PDE11A: variants seen among roughly 807,000 people sequenced by gnomAD.
The protein encoded by PDE11A is phosphodiesterase 11A.
PDE11A carries 100 observed loss-of-function variants against 100.5 expected under a neutral mutation model. The ratio of observed to expected loss-of-function variants is 1.00; its 90% CI spans 0.85 to 1.18. The LOEUF (loss-of-function observed/expected upper bound fraction) is 1.18. Among genes scored for constraint, PDE11A ranks in the 50% most tolerant of loss-of-function variants. The pLI, the probability that PDE11A is intolerant of heterozygous loss-of-function variation, is 0.00. For missense variants in PDE11A, 1,141 were observed against 1,152.6 expected, an observed-to-expected ratio of 0.99 and a Z score of 0.15; for synonymous variants, 381 against 420.8, an observed-to-expected ratio of 0.91 and a Z score of 1.16.
intron 2 of PDE11A, among the ~76,000 whole-genome samples, chr2:178,090,471 C>T (rs1317997065): frequency 2.0e-5 from 3 of 151,920 alleles, no homozygotes; most frequent in African/African-American, 7.3e-5. Flanking sequence ...CATTTCTACC[C>T]GCCTGCCTTT....
chr2:177,781,177 A>G (rs2082448986), intron 9 of PDE11A, among the ~76,000 whole-genome samples: 1 of 152,196 alleles, frequency 6.6e-6, no homozygotes, highest in African/African-American at 2.4e-5. Flanking sequence ...GTCTTGGAAA[A>G]CAGAGAGGCC....
At chr2:177,903,166 T>A (rs1191144912) in intron 3 of PDE11A, among the ~76,000 whole-genome samples, 1 of 152,120 alleles carries the variant, frequency 6.6e-6, no homozygotes, top group Non-Finnish European at 1.5e-5. Context: ...GACCAAGCTT[T>A]CTCCTGCCCC....
intron 2 of PDE11A, among the ~76,000 whole-genome samples, chr2:177,933,727 C>G (rs2085237737): frequency 6.6e-6 from 1 of 151,888 alleles, no homozygotes; most frequent in South Asian, 2.1e-4. Context: ...CAACTTCACA[C>G]TATCAGACTA....
intron 13 of PDE11A, among the ~76,000 whole-genome samples, chr2:177,706,121 C>T (rs2081275712): frequency 1.3e-5 from 2 of 152,098 alleles, no homozygotes; most frequent in Admixed American, 6.6e-5. Context: ...TATGAAAATG[C>T]GAAGGATCAC....
intron 2 of PDE11A, among the ~76,000 whole-genome samples, chr2:178,012,681 A>G (rs187327768): frequency 6.6e-6 from 1 of 152,336 alleles, no homozygotes; most frequent in Admixed American, 6.5e-5. Context: ...TCTCACAGGT[A>G]CAAGTCCATT....
chr2:177,667,196 G>A lies in PDE11A; in HGVS notation c.2562+2297C>T, dbSNP rs1314883779. ...CCCAAAGCGCTGGGATTAAAGGCGTGAGCCACCACTCCTGGCTGTTCAATT... is the reference window on the plus strand; with the variant it reads ...CCCAAAGCGCTGGGATTAAAGGCGTAAGCCACCACTCCTGGCTGTTCAATT... On this transcript the variant is annotated intron_variant, in intron 18 of 19. Transcript: ENST00000286063. Among the ~76,000 whole-genome samples the A allele has an allele frequency of 3.3e-5, 5 of 152,138 alleles. No homozygotes were observed. The East Asian group carries it at 7.7e-4, about 23-fold the overall frequency.
At chr2:177,991,785 G>GT (rs35631376) in intron 2 of PDE11A, among the ~76,000 whole-genome samples, 34,540 of 150,856 alleles carry the variant, frequency 0.23, 4,728 homozygotes, top group Middle Eastern at 0.26. Context: ...GATGGCATGA[G>GT]TTTTTAAGTG....
intron 2 of PDE11A, among the ~76,000 whole-genome samples, chr2:178,013,704 ACTCT>A (rs2086298526): frequency 6.6e-6 from 1 of 152,088 alleles, no homozygotes; most frequent in Non-Finnish European, 1.5e-5. Context: ...TTCTTTGAGG[ACTCT>A]CTCTCTTTTA....
At chr2:177,956,296 A>G (rs1166490338) in intron 2 of PDE11A, among the ~76,000 whole-genome samples, 1 of 152,194 alleles carries the variant, frequency 6.6e-6, no homozygotes, top group Non-Finnish European at 1.5e-5. Context: ...GCAGCCAAAA[A>G]ACACATGAAA....
At chr2:178,043,667 G>C (rs1169687876) in intron 1 of PDE11A, among the ~76,000 whole-genome samples, 1 of 152,106 alleles carries the variant, frequency 6.6e-6, no homozygotes, top group Non-Finnish European at 1.5e-5. Flanking sequence ...CATTTACCAG[G>C]AGCCTACCAT....
intron 15 of PDE11A, among the ~76,000 whole-genome samples, chr2:177,691,950 T>C (rs1219110450): frequency 6.6e-6 from 1 of 152,232 alleles, no homozygotes; most frequent in Non-Finnish European, 1.5e-5. Context: ...TACCTTTCCT[T>C]TCCTTTTGAA....
At chr2:177,780,438 A>G (rs1250434173) in intron 9 of PDE11A, among the ~76,000 whole-genome samples, 1 of 152,184 alleles carries the variant, frequency 6.6e-6, no homozygotes, top group Non-Finnish European at 1.5e-5. Flanking sequence ...GTAAATAAGC[A>G]CTGGCTTCAA....
chr2:178,056,792 A>T (rs1025792104), intron 1 of PDE11A, among the ~76,000 whole-genome samples: 14 of 152,188 alleles, frequency 9.2e-5, no homozygotes, highest in African/African-American at 2.7e-4. Context: ...ACTTATTTTC[A>T]TATTATATCA....
At chr2:177,728,324 CT>C in intron 10 of PDE11A, 152 bp from the exon 11 acceptor site, 1 of 522,570 alleles carries the variant, frequency 1.9e-6, no homozygotes. Flanking sequence ...CTGTAAATGT[CT>C]TTTGTTTCTG....
chr2:177,796,224 C>T (rs1470177226), intron 9 of PDE11A, among the ~76,000 whole-genome samples: 1 of 151,826 alleles, frequency 6.6e-6, no homozygotes, highest in East Asian at 1.9e-4. Flanking sequence ...TTGGCCTGGG[C>T]CCCAAGCTTT....
intron 19 of PDE11A, among the ~76,000 whole-genome samples, chr2:177,641,968 T>C (rs2080151590): frequency 6.6e-6 from 1 of 152,104 alleles, no homozygotes; most frequent in South Asian, 2.1e-4. Flanking sequence ...GAGGAGAAAA[T>C]CAGGCTCAGA....
At position 177,892,270 on chromosome 2, in the gene PDE11A, G is replaced by T. The variant is rs550284258; in HGVS notation, c.1302+5788C>A. 3.2e-4 allele frequency among the ~76,000 whole-genome samples: 48 copies of T among 151,950 alleles called. 1 individual carries two copies. In the South Asian group the frequency reaches 9.8e-3, roughly 31 times the overall value. On this transcript the variant is annotated intron_variant, in intron 4 of 19. Transcript: ENST00000286063. Reference sequence around the variant, plus strand: ...CTTTTATAAAATTATATTTTTATAGGTATGAACTAGAAATCCAGCTTCTTA... The same window carrying T: ...CTTTTATAAAATTATATTTTTATAGTTATGAACTAGAAATCCAGCTTCTTA...
intron 5 of PDE11A, among the ~76,000 whole-genome samples, chr2:177,841,672 C>T (rs2083492945): frequency 6.6e-6 from 1 of 152,206 alleles, no homozygotes; most frequent in East Asian, 1.9e-4. Flanking sequence ...TGGCCTGTGT[C>T]TGATAAATTC....
At chr2:177,903,134 C>A (rs2084724936) in intron 3 of PDE11A, among the ~76,000 whole-genome samples, 1 of 152,144 alleles carries the variant, frequency 6.6e-6, no homozygotes, top group African/African-American at 2.4e-5. Flanking sequence ...CTTCCCCTTT[C>A]TCTCTGCTCT....
Sources: gnomAD v4.1 joint callset for allele counts (sites outside exome capture counted in the v4.1 genomes callset) on GRCh38, gnomAD v4.1.1 for gene constraint, MANE v1.5 for transcripts, NCBI Gene and HGNC (gene_info 2026-07-23, HGNC 2026-07-21) for gene names.